The following TUT1 variants were observed in gnomAD, a reference collection of about 807,000 sequenced individuals.
TUT1 encodes the protein speckle targeted PIP5K1A-regulated poly(A) polymerase.
A neutral mutation model predicts 48.8 loss-of-function variants in TUT1; 26 were observed. That is an observed-to-expected ratio of 0.53 (90% CI 0.39 to 0.74). The LOEUF is 0.74. TUT1 is among the 30% of genes least tolerant of loss of function. The pLI, the probability that TUT1 is intolerant of heterozygous loss-of-function variation, is 0.00. For missense variants in TUT1, 1,065 were observed against 1,114.8 expected, an observed-to-expected ratio of 0.96 and a Z score of 0.64; for synonymous variants, 470 against 460.8, an observed-to-expected ratio of 1.02 and a Z score of -0.26.
At chr11:62,577,468 A>C (rs1486034866) in intron 5 of TUT1, 177 bp from the exon 6 acceptor site, 38 of 603,482 alleles carry the variant, frequency 6.3e-5, no homozygotes, top group Non-Finnish European at 1.7e-5. Flanking sequence ...GAGTTCGGGA[A>C]ACACTTCATC....
chr11:62,585,242 T>G (rs1590722191), intron 2 of TUT1, among the ~76,000 whole-genome samples: 1 of 152,254 alleles, frequency 6.6e-6, no homozygotes, highest in East Asian at 1.9e-4. Context: ...CGCCTCAGCC[T>G]CCTCAGTAGC....
intron 4 of TUT1, among the ~76,000 whole-genome samples, chr11:62,580,758 C>T (rs1941811655): frequency 6.6e-6 from 1 of 151,612 alleles, no homozygotes; most frequent in Admixed American, 6.6e-5. Context: ...GTACACCACA[C>T]ACCCAGCTAA....
rs1239366804 is a variant in TUT1, at chr11:62,576,204, C to T, written c.1515G>A (p.Trp505Ter). 2 of 1,605,634 alleles carry T rather than the reference C, an allele frequency of 1.2e-6. No individual in the cohort carries two copies. Among genetic ancestry groups the T allele is most frequent in the Non-Finnish European group, 1.7e-6 (2 of 1,176,136 alleles). Residue 505 changes from tryptophan to a stop codon, truncating the protein, a stop_gained, in exon 9 of 9, where the codon TGG (tryptophan) becomes TGA (stop). Coordinates refer to ENST00000476907, the MANE Select transcript of TUT1 (RefSeq NM_022830.3). LOFTEE classifies it low-confidence loss of function (END_TRUNC). ...GGGACAGCAGGGAGCCACGAAGATC[C>T]CAACAAGATACACAGGAGAAGAACT... The part of the protein sequence containing the change: ...LAQFFSCVSC[W>*]DLRGSLLSLR...
chr11:62,575,810 G>C lies in TUT1; in HGVS notation c.1909C>G (p.Gln637Glu). ...TCTGACCGCGTTCTCTTGGTTGCCT[G>C]TTCTATATGGCACCCCAGTGCTTCC... ...FREALGCHIEQATKRTRSEGG... is the reference protein window; with the variant it reads ...FREALGCHIEEATKRTRSEGG... Residue 637 changes from glutamine (Q) to glutamate (E), a missense_variant, in exon 9 of 9, where the codon CAG becomes GAG. By Grantham distance (29) the Gln-to-Glu change is conservative. Transcript: ENST00000476907. 1 of 1,614,190 alleles carries C rather than the reference G, an allele frequency of 6.2e-7. No homozygotes were observed. Among genetic ancestry groups the C allele is most frequent in the Non-Finnish European group, 8.5e-7 (1 of 1,180,044 alleles).
rs181017301 is a variant in TUT1, at chr11:62,584,670, C to T, written c.274-2969G>A. Among the ~76,000 whole-genome samples, 267 of 152,102 alleles carry T rather than the reference C, an allele frequency of 1.8e-3. 1 individual carries two copies. Among genetic ancestry groups the T allele is most frequent in the African/African-American group, 6.2e-3 (259 of 41,484 alleles). On this transcript the variant is annotated intron_variant, in intron 2 of 8. Transcript: ENST00000476907. ...TGTTGGCCAGGCTGGTCTCCAACTC[C>T]TAACCTTAGGTGATCCACCTGCCTC... is the stretch of plus-strand genomic sequence containing the variant.
rs3197864 is a variant in TUT1 at position 62,576,971 on chromosome 11, G to A, written c.1317C>T (p.Ile439=). Residue 439 remains isoleucine (I), a synonymous_variant, in exon 7 of 9, where the codon ATC becomes ATT. Transcript: ENST00000476907. ...LSNYALTLLV[I]YFLQTRDPPV... ...GAGGGTCCCTGGTCTGAAGAAAATA[G>A]ATCACCAGCAAGGTCAGGGCGTAGT... 6.2e-7 allele frequency: 1 copy of A among 1,614,150 alleles called. No individual in the cohort carries two copies. The highest frequency in any genetic ancestry group is 8.5e-7 in the Non-Finnish European group (1 of 1,180,024).
chr11:62,587,560 T>A (rs532957385), intron 2 of TUT1, among the ~76,000 whole-genome samples: 1 of 152,164 alleles, frequency 6.6e-6, no homozygotes, highest in Admixed American at 6.5e-5. Flanking sequence ...ATCGTAACTA[T>A]GAAGAGCCAC....
rs369889181 is a variant in TUT1 at position 62,575,667 on chromosome 11, ACCGTCC to A, written c.2046_2051del (p.Asp683_Gly684del). 4.3e-5 allele frequency: 69 copies of A among 1,613,736 alleles called. No homozygotes were observed. In the African/African-American group the frequency reaches 8.7e-4, roughly 20 times the overall value. On this transcript the variant is annotated inframe_deletion, in exon 9 of 9. Transcript: ENST00000476907. Reference sequence around the variant, plus strand: ...CCATCTCTTCTACCCTGTCTTCCCCACCGTCCCCTGCACATCCCTGCTGCTCCTCTT... The same window carrying A: ...CCATCTCTTCTACCCTGTCTTCCCCACCTGCACATCCCTGCTGCTCCTCTT...
At position 62,575,815 on chromosome 11, in the gene TUT1, A is replaced by G. The variant is rs201079127; in HGVS notation, c.1904T>C (p.Ile635Thr). ...QVFREALGCHIEQATKRTRSE... is the reference protein window; with the variant it reads ...QVFREALGCHTEQATKRTRSE... Reference sequence around the variant, plus strand: ...CCGCGTTCTCTTGGTTGCCTGTTCTATATGGCACCCCAGTGCTTCCCTGAA... The same window carrying G: ...CCGCGTTCTCTTGGTTGCCTGTTCTGTATGGCACCCCAGTGCTTCCCTGAA... The change falls in exon 9 of 9, where the codon ATA becomes ACA. Residue 635 changes from isoleucine (I) to threonine (T), a missense_variant. Coordinates refer to ENST00000476907, the MANE Select transcript of TUT1 (RefSeq NM_022830.3). The G allele has an allele frequency of 1.9e-6, 3 of 1,614,090 alleles. No individual in the cohort carries two copies. Among genetic ancestry groups the G allele is most frequent in the Non-Finnish European group, 2.5e-6 (3 of 1,180,032 alleles).
chr11:62,581,750 AG>A, intron 2 of TUT1, 49 bp from the exon 3 acceptor site: 1 of 1,332,956 alleles, frequency 7.5e-7, no homozygotes, highest in Admixed American at 3.7e-5. Flanking sequence ...CAAGAATCTA[AG>A]CACGAGATCT....
intron 2 of TUT1, among the ~76,000 whole-genome samples, chr11:62,587,963 T>C (rs1164039122): frequency 6.6e-6 from 1 of 152,236 alleles, no homozygotes; most frequent in East Asian, 1.9e-4. Context: ...CAGTGTAAGT[T>C]AATAAACTGC....
chr11:62,583,917 T>G (rs535805952), intron 2 of TUT1, among the ~76,000 whole-genome samples: 3 of 152,188 alleles, frequency 2.0e-5, no homozygotes, highest in Non-Finnish European at 4.4e-5. Context: ...GATAGCCACA[T>G]GCAAAACAAT....
chr11:62,577,224 C>A lies in TUT1; in HGVS notation c.1228G>T (p.Val410Leu). The A allele has an allele frequency of 6.2e-7, 1 of 1,611,676 alleles. No individual in the cohort carries two copies. Among genetic ancestry groups the A allele is most frequent in the Non-Finnish European group, 8.5e-7 (1 of 1,179,278 alleles). ...TGAGCCCAGCAGCGGAGGGTGTACA[C>A]GAGGGGCCGGACTCGACCATCCAGC... ...SELDGRVRPL[V>L]YTLRCWAQGR... The change falls in exon 6 of 9, where the codon GTG becomes TTG. Residue 410 changes from valine (V) to leucine (L), a missense_variant. Coordinates refer to ENST00000476907, the MANE Select transcript of TUT1 (RefSeq NM_022830.3).
rs776675431 is a variant in TUT1, at chr11:62,576,734, ACCTGTTCCC to A, written c.1388_1396del (p.Gly463_Gln465del). The A allele has an allele frequency of 1.2e-6, 2 of 1,614,108 alleles. No individual in the cohort carries two copies. The highest frequency in any genetic ancestry group is 4.5e-5 in the East Asian group (2 of 44,886). On this transcript the variant is annotated inframe_deletion, in exon 8 of 9. Coordinates refer to ENST00000476907, the MANE Select transcript of TUT1 (RefSeq NM_022830.3). ...ACTGCAGTCCCAGCCATCGACTTCCACCTGTTCCCCCTCTCCTGTGAAAGTAAATAAGGT... is the reference window on the plus strand; with the variant it reads ...ACTGCAGTCCCAGCCATCGACTTCCACCTCTCCTGTGAAAGTAAATAAGGT...
In TUT1 at chr11:62,585,519, G is replaced by T. The variant is rs564197988; in HGVS notation, c.273+3512C>A. 6.0e-5 allele frequency among the ~76,000 whole-genome samples: 9 copies of T among 151,170 alleles called. No homozygotes were observed. The East Asian group carries it at 1.7e-3, about 29-fold the overall frequency. On this transcript the variant is annotated intron_variant, in intron 2 of 8. Transcript: ENST00000476907. The stretch of plus-strand genomic sequence containing the variant: ...AAACCTCACAGAAGGCATCAGGGAG[G>T]GCAGGACTGGCAGATTCAGAAGACT...
In TUT1 at chr11:62,576,253, G is replaced by A. The variant is rs745870695; in HGVS notation, c.1475-9C>T. The stretch of plus-strand genomic sequence containing the variant: ...CTGGGCTAGCAGGGAACCTGGAGGA[G>A]GAGGAAGAGTGGGGAAAGGGGGGTC... On this transcript the variant is annotated splice_polypyrimidine_tract_variant and intron_variant, in intron 8 of 8. Coordinates refer to ENST00000476907, the MANE Select transcript of TUT1 (RefSeq NM_022830.3). 1.9e-6 allele frequency: 3 copies of A among 1,553,938 alleles called. No individual in the cohort carries two copies. Among genetic ancestry groups the A allele is most frequent in the Non-Finnish European group, 2.6e-6 (3 of 1,151,672 alleles).
chr11:62,582,571 C>T (rs1422546850), intron 2 of TUT1: 1 of 454,836 alleles, frequency 2.2e-6, no homozygotes, highest in African/African-American at 2.0e-5. Flanking sequence ...CACTACACAC[C>T]AGCCTGAGAG....
Position 62,575,314 on chromosome 11 carries a change from C to A in TUT1, c.2405G>T (p.Gly802Val). 6.2e-7 allele frequency: 1 copy of A among 1,614,208 alleles called. No individual in the cohort carries two copies. The highest frequency in any genetic ancestry group is 8.5e-7 in the Non-Finnish European group (1 of 1,180,030). The part of the protein sequence containing the change: ...GAGGGAGTRA[G>V]WLATEAQVTQ... ...GACCTGAGCCTCAGTCGCCAGCCAC[C>A]CTGCTCTTGTGCCAGCGCCACCTCC... The change falls in exon 9 of 9, where the codon GGG becomes GTG. Residue 802 changes from glycine (G) to valine (V), a missense_variant. Physicochemically the swap from Gly to Val is moderately radical, Grantham distance 109. Coordinates refer to ENST00000476907, the MANE Select transcript of TUT1 (RefSeq NM_022830.3).
At position 62,576,011 on chromosome 11, in the gene TUT1, C is replaced by G. The variant is rs752155810; in HGVS notation, c.1708G>C (p.Ala570Pro). ...TGGAGGCTTCGGCAGTAATTGGCTG[C>G]TGCTCGGCAGCAGTTCTGTAGGCGC... is the stretch of plus-strand genomic sequence containing the variant. ...AGRLQNCCRA[A>P]ANYCRSLQYQ... The change falls in exon 9 of 9, where the codon GCA becomes CCA. Residue 570 changes from alanine to proline, a missense_variant. By Grantham distance (27) the Ala-to-Pro change is conservative. Coordinates refer to ENST00000476907, the MANE Select transcript of TUT1 (RefSeq NM_022830.3). The G allele has an allele frequency of 1.2e-5, 20 of 1,613,646 alleles. No individual in the cohort carries two copies. Among genetic ancestry groups the G allele is most frequent in the Non-Finnish European group, 1.7e-5 (20 of 1,179,998 alleles).
Sources: allele counts gnomAD v4.1 joint callset (sites outside exome capture counted in the v4.1 genomes callset), GRCh38; gene constraint gnomAD v4.1.1; transcripts MANE v1.5; gene names NCBI Gene and HGNC (gene_info 2026-07-23, HGNC 2026-07-21).